Variants in IQCM observed in about 807,000 individuals in gnomAD.
The protein encoded by IQCM is IQ motif containing M, also known as IQ domain-containing protein M.
A neutral mutation model predicts 57.6 loss-of-function variants in IQCM; 45 were observed. The observed-to-expected ratio is 0.78, with a 90% CI of 0.62 to 1.00. The LOEUF is 1.00. Ranked by LOEUF, IQCM falls within the 50% of genes least tolerant of loss-of-function variation. The pLI is 0.00. For missense variants in IQCM, 468 were observed against 511.6 expected (o/e 0.91, Z 0.82); for synonymous variants, 148 against 158.9 (o/e 0.93, Z 0.51).
Position 149,815,355 on chromosome 4 carries a change from G to A in IQCM, c.-86-7C>T, listed in dbSNP as rs1215167735. 1 of 151,862 alleles carries A rather than the reference G, an allele frequency of 6.6e-6. No individual in the cohort carries two copies. The highest frequency in any genetic ancestry group is 1.5e-5 in the Non-Finnish European group (1 of 67,858). The allele number at this position is 151,862 out of a possible 1,614,324, so 9.4% of individuals were successfully genotyped here. A position where few individuals can be genotyped will look rare whatever the true frequency, so the allele number is the denominator to read the frequency against. The stretch of plus-strand genomic sequence containing the variant: ...AGGTCATTTGTTCTTCTTCCTAGAA[G>A]GCACAGGAGAGTTCATTGAAAATAT... On this transcript the variant is annotated splice_region_variant and splice_polypyrimidine_tract_variant and intron_variant, in intron 1 of 13. Transcript: ENST00000636793.
chr4:149,380,118 T>A (rs1051725887), intron 13 of IQCM, among the ~76,000 whole-genome samples: 6 of 152,152 alleles, frequency 3.9e-5, no homozygotes, highest in Admixed American at 3.9e-4. Context: ...CCATTAAACC[T>A]CTTTCTTTTG....
intron 12 of IQCM, among the ~76,000 whole-genome samples, chr4:149,511,708 C>T (rs182201875): frequency 1.3e-3 from 191 of 152,218 alleles, no homozygotes; most frequent in Middle Eastern, 3.4e-3. Context: ...GTATCTTGTA[C>T]TGGACTACAC....
chr4:149,640,956 C>T (rs909333316), intron 7 of IQCM, among the ~76,000 whole-genome samples: 2 of 152,020 alleles, frequency 1.3e-5, no homozygotes, highest in African/African-American at 4.8e-5. Flanking sequence ...ATGGTAAAAC[C>T]CTGTCCACAC....
intron 12 of IQCM, among the ~76,000 whole-genome samples, chr4:149,501,244 G>C (rs1253423865): frequency 6.6e-6 from 1 of 152,166 alleles, no homozygotes; most frequent in East Asian, 1.9e-4. Flanking sequence ...ATACCTGAAT[G>C]ATTGAACTAA....
chr4:149,667,464 A>G (rs983718477), intron 7 of IQCM, among the ~76,000 whole-genome samples: 1 of 152,146 alleles, frequency 6.6e-6, no homozygotes, highest in Non-Finnish European at 1.5e-5. Flanking sequence ...TAAATCCATG[A>G]AGATGAGAAA....
chr4:149,672,502 C>T (rs28855768), intron 7 of IQCM, among the ~76,000 whole-genome samples: 5,751 of 152,090 alleles, frequency 0.038, 390 homozygotes, highest in African/African-American at 0.13. Context: ...GTAGCTGATT[C>T]GGTCAACTGG....
At chr4:149,554,768 C>G (rs1051423505) in intron 10 of IQCM, among the ~76,000 whole-genome samples, 2 of 151,510 alleles carry the variant, frequency 1.3e-5, no homozygotes, top group African/African-American at 4.8e-5. Context: ...GGCGCGATCT[C>G]GGCTCACTGC....
chr4:149,523,830 C>A (rs1315398812), intron 12 of IQCM, among the ~76,000 whole-genome samples: 1 of 151,978 alleles, frequency 6.6e-6, no homozygotes, highest in Non-Finnish European at 1.5e-5. Context: ...AAAGAAAAAT[C>A]CAATGATCTT....
chr4:149,616,613 T>C (rs1226482948), intron 8 of IQCM, among the ~76,000 whole-genome samples: 1 of 152,072 alleles, frequency 6.6e-6, no homozygotes, highest in Non-Finnish European at 1.5e-5. Context: ...TTACAAAATA[T>C]AAATTTATAA....
chr4:149,647,390 T>G (rs1758742988), intron 7 of IQCM, among the ~76,000 whole-genome samples: 1 of 152,122 alleles, frequency 6.6e-6, no homozygotes, highest in Admixed American at 6.5e-5. Context: ...TCATGAAAGT[T>G]TGTTGGTCAT....
chr4:149,746,459 C>T (rs1419613952), intron 2 of IQCM, among the ~76,000 whole-genome samples: 1 of 152,190 alleles, frequency 6.6e-6, no homozygotes, highest in Non-Finnish European at 1.5e-5. Flanking sequence ...TCTTTCTCTG[C>T]CAATTCATTC....
At chr4:149,595,900 A>C (rs535573736) in intron 8 of IQCM, among the ~76,000 whole-genome samples, 2 of 152,318 alleles carry the variant, frequency 1.3e-5, no homozygotes, top group South Asian at 4.1e-4. Flanking sequence ...ATTTCTTTAC[A>C]GAGGTGAAGG....
At chr4:149,385,445 A>T (rs1371948287) in intron 13 of IQCM, among the ~76,000 whole-genome samples, 1 of 152,106 alleles carries the variant, frequency 6.6e-6, no homozygotes, top group Non-Finnish European at 1.5e-5. Flanking sequence ...CCTTGAGCTC[A>T]TGAAAAGTGG....
intron 5 of IQCM, among the ~76,000 whole-genome samples, chr4:149,711,576 T>A (rs2149832632): frequency 6.6e-6 from 1 of 152,328 alleles, no homozygotes; most frequent in South Asian, 2.1e-4. Flanking sequence ...TCTGTCCTAT[T>A]CTCTATAAAT....
intron 13 of IQCM, among the ~76,000 whole-genome samples, chr4:149,380,135 G>T (rs768803881): frequency 2.8e-4 from 43 of 151,988 alleles, no homozygotes; most frequent in Non-Finnish European, 5.1e-4. Flanking sequence ...TTTGTAAATT[G>T]CCCAGTCTCA....
At chr4:149,358,270 T>C (rs561746574) in intron 13 of IQCM, among the ~76,000 whole-genome samples, 47 of 152,316 alleles carry the variant, frequency 3.1e-4, no homozygotes, top group Non-Finnish European at 6.3e-4. Flanking sequence ...ATCTTAGTTA[T>C]TTCTTGCCCT....
Position 149,360,284 on chromosome 4 carries a change from A to G in IQCM, c.1391-8218T>C, listed in dbSNP as rs944137407. ...AAGCAAAAATTAAAAAATGCAGTGCAATACATATTTATATGGTATTTACAT... is the reference window on the plus strand; with the variant it reads ...AAGCAAAAATTAAAAAATGCAGTGCGATACATATTTATATGGTATTTACAT... On this transcript the variant is annotated intron_variant, in intron 13 of 13. Coordinates refer to ENST00000636793, the MANE Select transcript of IQCM (RefSeq NM_001363507.2). Among the ~76,000 whole-genome samples the G allele has an allele frequency of 2.0e-5, 3 of 152,244 alleles. 1 individual carries two copies. Among genetic ancestry groups the G allele is most frequent in the African/African-American group, 7.2e-5 (3 of 41,462 alleles).
intron 13 of IQCM, among the ~76,000 whole-genome samples, chr4:149,370,106 C>T (rs1019680073): frequency 6.6e-6 from 1 of 152,138 alleles, no homozygotes; most frequent in African/African-American, 2.4e-5. Context: ...GTTGCCCAGG[C>T]TGGTCTCAAG....
intron 7 of IQCM, among the ~76,000 whole-genome samples, chr4:149,669,704 G>A (rs1761077054): frequency 6.6e-6 from 1 of 152,118 alleles, no homozygotes; most frequent in African/African-American, 2.4e-5. Context: ...TGGCTAGCCG[G>A]TTTTCCCAGC....
Sources: gnomAD v4.1 joint callset for allele counts (sites outside exome capture counted in the v4.1 genomes callset) on GRCh38, gnomAD v4.1.1 for gene constraint, MANE v1.5 for transcripts, NCBI Gene and HGNC (gene_info 2026-07-23, HGNC 2026-07-21) for gene names.